The following HMMR variants were observed in gnomAD, a reference collection of about 807,000 sequenced individuals.
HMMR encodes the protein intracellular hyaluronic acid-binding protein.
HMMR carries 108 observed loss-of-function variants against 101.0 expected under a neutral mutation model. That is an observed-to-expected ratio of 1.07 (90% CI 0.92 to 1.25). HMMR has a LOEUF of 1.25. Among genes scored for constraint, HMMR ranks in the 50% most tolerant of loss-of-function variants. The probability of loss-of-function intolerance (pLI) is 0.00; values close to 1 mark genes in which losing one functional copy is unlikely to be tolerated. For synonymous variants in HMMR, 296 were observed against 276.4 expected, an observed-to-expected ratio of 1.07 and a Z score of -0.70; for missense variants, 813 against 788.7, an observed-to-expected ratio of 1.03 and a Z score of -0.37.
In HMMR at chr5:163,473,234, G is replaced by A; in HGVS notation, c.706G>A (p.Glu236Lys). The A allele has an allele frequency of 6.3e-7, 1 of 1,576,206 alleles. No individual in the cohort carries two copies. The highest frequency in any genetic ancestry group is 1.4e-5 in the African/African-American group (1 of 73,888). Residue 236 changes from glutamate to lysine, a missense_variant, in exon 8 of 18, where the codon GAA (glutamate) becomes AAA (lysine). Physicochemically the swap from Glu to Lys is moderately conservative, Grantham distance 56. Coordinates refer to ENST00000393915, the MANE Select transcript of HMMR (RefSeq NM_001142556.2). ...AAAATCTGAAACAGAAAAACTCTTG[G>A]AATACATCGAAGAAATTAGGTAATA... ...DEKSETEKLL[E>K]YIEEISCASD...
At chr5:163,472,094 G>A (rs1385213247) in intron 7 of HMMR, among the ~76,000 whole-genome samples, 1 of 150,076 alleles carries the variant, frequency 6.7e-6, no homozygotes, top group Admixed American at 6.6e-5. Context: ...TGTTACTCAG[G>A]CTGGTCTCAT....
intron 1 of HMMR, 78 bp downstream of exon 1, chr5:163,460,816 C>A (rs992952752): frequency 5.2e-6 from 7 of 1,338,254 alleles, no homozygotes; most frequent in African/African-American, 1.4e-5. Context: ...TCTTGGGAGG[C>A]AAGCAGGAGG....
chr5:163,476,697 A>T (rs1759079021), intron 11 of HMMR, among the ~76,000 whole-genome samples: 1 of 152,172 alleles, frequency 6.6e-6, no homozygotes, highest in Non-Finnish European at 1.5e-5. Context: ...ATAACTGGGA[A>T]ACATTCAGAA....
intron 11 of HMMR, among the ~76,000 whole-genome samples, chr5:163,476,237 A>G (rs1407803445): frequency 6.6e-6 from 1 of 152,142 alleles, no homozygotes; most frequent in African/African-American, 2.4e-5. Flanking sequence ...GAATCACTTA[A>G]GCCCACGAGA....
chr5:163,472,246 T>C (rs1441611888), intron 7 of HMMR, among the ~76,000 whole-genome samples: 2 of 152,048 alleles, frequency 1.3e-5, no homozygotes. Context: ...TTTTGTTTGA[T>C]GTAATTTTTC....
intron 4 of HMMR, among the ~76,000 whole-genome samples, chr5:163,469,086 C>T (rs758230390): frequency 3.9e-5 from 6 of 152,052 alleles, no homozygotes; most frequent in South Asian, 2.1e-4. Flanking sequence ...AAATAGCGGC[C>T]GGGTGTGGTG....
intron 12 of HMMR, among the ~76,000 whole-genome samples, 159 bp downstream of exon 12, chr5:163,478,959 A>C (rs1323851495): frequency 6.6e-6 from 1 of 152,176 alleles, no homozygotes; most frequent in East Asian, 1.9e-4. Flanking sequence ...ATTATCTGGT[A>C]ATCTTATTGT....
chr5:163,475,382 G>A (rs1345283469), intron 10 of HMMR, 76 bp from the exon 11 acceptor site: 30 of 723,550 alleles, frequency 4.1e-5, no homozygotes, highest in Non-Finnish European at 6.9e-5. Context: ...TTCTTTATCT[G>A]TACTTTTTTT....
At chr5:163,471,117 A>G (rs1339482836) in intron 5 of HMMR, 68 bp from the exon 6 acceptor site, 8 of 962,704 alleles carry the variant, frequency 8.3e-6, no homozygotes, top group African/African-American at 3.3e-5. Flanking sequence ...AAAAATCAAT[A>G]TTTGTGTATT....
rs1758887297 is a variant in HMMR at position 163,471,404 on chromosome 5, G to A, written c.591G>A (p.Gln197=). 6.2e-7 allele frequency: 1 copy of A among 1,613,992 alleles called. No homozygotes were observed. Among genetic ancestry groups the A allele is most frequent in the Non-Finnish European group, 8.5e-7 (1 of 1,180,024 alleles). Residue 197 remains glutamine (Q), a synonymous_variant, in exon 7 of 18, where the codon CAG becomes CAA. Transcript: ENST00000393915. ...AKQEGMEMKL[Q]VTQRSLEESQ... ...AAGAAGGCATGGAGATGAAGCTGCA[G>A]GTCACCCAAAGGAGTCTCGAAGAGT...
rs1369023890 is a variant in HMMR at position 163,484,139 on chromosome 5, TAAATA to T, written c.1863_1867del (p.Ile622ArgfsTer5). 1.9e-6 allele frequency: 3 copies of T among 1,604,034 alleles called. No homozygotes were observed. The highest frequency in any genetic ancestry group is 2.7e-5 in the African/African-American group (2 of 74,576). On this transcript the variant is annotated frameshift_variant, in exon 16 of 18. Coordinates refer to ENST00000393915, the MANE Select transcript of HMMR (RefSeq NM_001142556.2). LOFTEE classifies it high-confidence loss of function. The stretch of plus-strand genomic sequence containing the variant: ...GAACATGGTGCAGCTCAGGAACAGC[TAAATA>T]AAATAAGAGATTCATATGCTAAATT...
At chr5:163,476,661 T>C (rs1759078184) in intron 11 of HMMR, among the ~76,000 whole-genome samples, 1 of 151,768 alleles carries the variant, frequency 6.6e-6, no homozygotes, top group Non-Finnish European at 1.5e-5. Flanking sequence ...CAATAACTGA[T>C]AAAAAGCAAA....
At chr5:163,469,355 A>G (rs1276476714) in intron 4 of HMMR, among the ~76,000 whole-genome samples, 3 of 131,540 alleles carry the variant, frequency 2.3e-5, no homozygotes, top group Non-Finnish European at 4.8e-5. Flanking sequence ...CAGAGCACAG[A>G]GCAAGACTCC....
rs200094182 is a variant in HMMR at position 163,471,220 on chromosome 5, T to G, written c.498T>G (p.Ile166Met). The G allele has an allele frequency of 1.5e-5, 24 of 1,612,560 alleles. No individual in the cohort carries two copies. The highest frequency in any genetic ancestry group is 2.7e-5 in the African/African-American group (2 of 74,908). ...ATGGTAACCAGAAGAATTTGAGAATTCTAAGCTTGGAGTTGATGAAACTTA... is the reference window on the plus strand; with the variant it reads ...ATGGTAACCAGAAGAATTTGAGAATGCTAAGCTTGGAGTTGATGAAACTTA... The part of the protein sequence containing the change: ...SENGNQKNLR[I>M]LSLELMKLRN... The change falls in exon 6 of 18, where the codon ATT becomes ATG. Residue 166 changes from isoleucine to methionine, a missense_variant. Coordinates refer to ENST00000393915, the MANE Select transcript of HMMR (RefSeq NM_001142556.2).
chr5:163,464,074 T>G, intron 2 of HMMR, 120 bp downstream of exon 2: 1 of 423,330 alleles, frequency 2.4e-6, no homozygotes, highest in Non-Finnish European at 4.3e-6. Flanking sequence ...TATATTTAAA[T>G]TTTATTTGAT....
intron 5 of HMMR, among the ~76,000 whole-genome samples, chr5:163,470,475 T>A (rs1344654844): frequency 6.6e-6 from 1 of 151,820 alleles, no homozygotes; most frequent in Non-Finnish European, 1.5e-5. Context: ...ATACAAAAAT[T>A]AGTCAGGTAT....
Position 163,483,140 on chromosome 5 carries a change from C to T in HMMR, c.1653C>T (p.Asp551=). 6.2e-7 allele frequency: 1 copy of T among 1,611,782 alleles called. No individual in the cohort carries two copies. Among genetic ancestry groups the T allele is most frequent in the Non-Finnish European group, 8.5e-7 (1 of 1,179,384 alleles). ...ACCAACTCAAGCAACAGGAGGAAGA[C>T]TTTAGAAAACAGCTGGAAGATGAAG... ...LQNQLKQQEE[D]FRKQLEDEEG... is the part of the protein sequence containing the mutation. Residue 551 remains aspartate, a synonymous_variant, in exon 14 of 18, where the codon GAC becomes GAT. Transcript: ENST00000393915.
intron 4 of HMMR, 107 bp downstream of exon 4, chr5:163,467,855 C>G (rs539700455): frequency 3.0e-6 from 2 of 669,076 alleles, no homozygotes; most frequent in Non-Finnish European, 5.4e-6. Flanking sequence ...TGCAGTGAGG[C>G]AAACATGCCA....
Position 163,478,689 on chromosome 5 carries a change from A to G in HMMR, c.1274A>G (p.Glu425Gly). The G allele has an allele frequency of 3.8e-6, 6 of 1,596,970 alleles. No homozygotes were observed. Among genetic ancestry groups the G allele is most frequent in the Non-Finnish European group, 5.2e-6 (6 of 1,164,576 alleles). ...KLLEEKLKGK[E>G]AELEKSSAAH... ...CAATTATTTCTTTTTCTTAGGAAGGAGGCTGAACTGGAGAAAAGTAGTGCT... is the reference window on the plus strand; with the variant it reads ...CAATTATTTCTTTTTCTTAGGAAGGGGGCTGAACTGGAGAAAAGTAGTGCT... Residue 425 changes from glutamate (E) to glycine (G), a missense_variant, in exon 12 of 18, where the codon GAG (glutamate) becomes GGG (glycine). Glu to Gly is a moderately conservative substitution (Grantham distance 98). Transcript: ENST00000393915.
Sources: gnomAD v4.1 joint callset for allele counts (sites outside exome capture counted in the v4.1 genomes callset) on GRCh38, gnomAD v4.1.1 for gene constraint, MANE v1.5 for transcripts, NCBI Gene and HGNC (gene_info 2026-07-23, HGNC 2026-07-21) for gene names.